SLC35F3: variants seen among roughly 807,000 people sequenced by gnomAD.
SLC35F3 encodes the protein putative thiamine transporter SLC35F3.
A neutral mutation model predicts 49.9 loss-of-function variants in SLC35F3; 25 were observed. The ratio of observed to expected loss-of-function variants is 0.50; its 90% confidence interval spans 0.37 to 0.70. The LOEUF (loss-of-function observed/expected upper bound fraction) is 0.70. SLC35F3 is among the 30% of genes least tolerant of loss of function. The pLI is 0.00. For missense variants in SLC35F3, 525 were observed against 639.8 expected (o/e 0.82, Z 1.94); for synonymous variants, 275 against 265.4 (o/e 1.04, Z -0.35).
chr1:233,967,336 G>T (rs1336471192), intron 2 of SLC35F3, among the ~76,000 whole-genome samples: 1 of 152,056 alleles, frequency 6.6e-6, no homozygotes, highest in African/African-American at 2.4e-5. Context: ...AAGATTATTA[G>T]TAAGGATTCT....
intron 2 of SLC35F3, among the ~76,000 whole-genome samples, chr1:233,922,855 T>C (rs1483178441): frequency 2.6e-5 from 4 of 152,244 alleles, no homozygotes; most frequent in Non-Finnish European, 4.4e-5. Context: ...CAGTTTCAGC[T>C]TTCTACATAT....
At position 233,969,060 on chromosome 1, in the gene SLC35F3, T is replaced by TGGG. The variant is rs57775031; in HGVS notation, c.283+63310_283+63312dup. Reference sequence around the variant, plus strand: ...TAGGAGTTAGAATTTTGACATATTTTGGGGGGGGGGACACAATTCAACCCA... The same window carrying TGGG: ...TAGGAGTTAGAATTTTGACATATTTTGGGGGGGGGGGGGACACAATTCAACCCA... On this transcript the variant is annotated intron_variant, in intron 2 of 7. Coordinates refer to ENST00000366618, the MANE Select transcript of SLC35F3 (RefSeq NM_173508.4). Among the ~76,000 whole-genome samples the TGGG allele has an allele frequency of 4.0e-3, 578 of 145,588 alleles. 3 individuals carry two copies. The highest frequency in any genetic ancestry group is 0.011 in the African/African-American group (439 of 38,964).
At chr1:234,152,920 C>G (rs1367582007) in intron 2 of SLC35F3, among the ~76,000 whole-genome samples, 2 of 152,216 alleles carry the variant, frequency 1.3e-5, no homozygotes, top group East Asian at 3.8e-4. Context: ...GATCCCCACT[C>G]TAACTGGCGT....
At chr1:234,085,665 G>A (rs1387857789) in intron 2 of SLC35F3, among the ~76,000 whole-genome samples, 2 of 152,176 alleles carry the variant, frequency 1.3e-5, no homozygotes, top group African/African-American at 4.8e-5. Flanking sequence ...CCCTATCAAT[G>A]ACATCACCTA....
chr1:234,008,114 A>G (rs1432326460), intron 2 of SLC35F3, among the ~76,000 whole-genome samples: 1 of 152,116 alleles, frequency 6.6e-6, no homozygotes, highest in South Asian at 2.1e-4. Flanking sequence ...CATATTCAGC[A>G]TGTACCTTTC....
At chr1:234,017,716 A>G (rs1397399013) in intron 2 of SLC35F3, among the ~76,000 whole-genome samples, 1 of 40,100 alleles carries the variant, frequency 2.5e-5, no homozygotes, top group Non-Finnish European at 1.1e-4. Flanking sequence ...TTTGTCTCAG[A>G]AAAAAAAAAA....
chr1:233,914,038 A>T (rs1396305860), intron 2 of SLC35F3, among the ~76,000 whole-genome samples: 2 of 152,108 alleles, frequency 1.3e-5, no homozygotes, highest in Non-Finnish European at 2.9e-5. Flanking sequence ...CAGAGCAGGC[A>T]CCTTTGGAAT....
At chr1:234,190,800 A>G (rs996362578) in intron 2 of SLC35F3, among the ~76,000 whole-genome samples, 1 of 152,248 alleles carries the variant, frequency 6.6e-6, no homozygotes, top group African/African-American at 2.4e-5. Flanking sequence ...TGCCACAGCT[A>G]CTACTTGAGA....
intron 2 of SLC35F3, among the ~76,000 whole-genome samples, chr1:234,111,629 C>CCAG (rs1665407928): frequency 6.6e-6 from 1 of 152,168 alleles, no homozygotes; most frequent in Admixed American, 6.5e-5. Context: ...TGCTGAAGAG[C>CCAG]CAGCAGCACA....
chr1:234,206,966 A>C (rs115515492), intron 2 of SLC35F3, among the ~76,000 whole-genome samples: 2 of 152,124 alleles, frequency 1.3e-5, no homozygotes, highest in African/African-American at 4.8e-5. Context: ...CCTGAGGGCC[A>C]TTCTCCTTGA....
intron 2 of SLC35F3, among the ~76,000 whole-genome samples, chr1:234,108,538 A>G (rs1174355691): frequency 9.3e-6 from 1 of 107,124 alleles, no homozygotes; most frequent in Non-Finnish European, 1.7e-5. Context: ...TATATAAAAG[A>G]TATATATTAT....
At chr1:233,963,193 T>C (rs572236623) in intron 2 of SLC35F3, among the ~76,000 whole-genome samples, 17 of 152,266 alleles carry the variant, frequency 1.1e-4, no homozygotes, top group Admixed American at 1.0e-3. Flanking sequence ...ATGTTGGGGG[T>C]GGGTACTTCT....
At chr1:234,112,627 C>T (rs1487145772) in intron 2 of SLC35F3, among the ~76,000 whole-genome samples, 1 of 144,002 alleles carries the variant, frequency 6.9e-6, no homozygotes, top group Non-Finnish European at 1.5e-5. Context: ...GCTATCTCGG[C>T]TCGCTGCAAG....
intron 2 of SLC35F3, among the ~76,000 whole-genome samples, chr1:234,129,091 A>G (rs114651197): frequency 7.8e-4 from 119 of 152,356 alleles, no homozygotes; most frequent in African/African-American, 2.7e-3. Context: ...GTTTATCAAG[A>G]CACCATTAAT....
At chr1:234,166,754 G>A (rs561880752) in intron 2 of SLC35F3, among the ~76,000 whole-genome samples, 3 of 152,192 alleles carry the variant, frequency 2.0e-5, no homozygotes, top group Non-Finnish European at 2.9e-5. Flanking sequence ...AAGGACTCTC[G>A]AACCATTCTG....
chr1:234,154,650 A>C (rs1034245418), intron 2 of SLC35F3, among the ~76,000 whole-genome samples: 1 of 152,224 alleles, frequency 6.6e-6, no homozygotes, highest in East Asian at 1.9e-4. Flanking sequence ...TTAAATAGTT[A>C]TCATAACTAA....
At chr1:234,011,052 A>G (rs367764850) in intron 2 of SLC35F3, among the ~76,000 whole-genome samples, 224 of 152,316 alleles carry the variant, frequency 1.5e-3, no homozygotes, top group Middle Eastern at 6.8e-3. Context: ...TTCCTATGGC[A>G]TATTTCTGGT....
intron 2 of SLC35F3, among the ~76,000 whole-genome samples, chr1:233,916,923 T>C (rs1661981416): frequency 6.6e-6 from 1 of 151,260 alleles, no homozygotes; most frequent in Non-Finnish European, 1.5e-5. Context: ...GAACCAACTG[T>C]TGAATGTAAA....
chr1:234,177,393 G>A (rs1666492252), intron 2 of SLC35F3, among the ~76,000 whole-genome samples: 1 of 152,166 alleles, frequency 6.6e-6, no homozygotes, highest in South Asian at 2.1e-4. Flanking sequence ...TCCTAAGAGG[G>A]AAGCACCTCC....
Sources: gnomAD v4.1 joint callset for allele counts (sites outside exome capture counted in the v4.1 genomes callset) on GRCh38, gnomAD v4.1.1 for gene constraint, MANE v1.5 for transcripts, NCBI Gene and HGNC (gene_info 2026-07-23, HGNC 2026-07-21) for gene names.